PRTFDC1: variants seen among roughly 807,000 people sequenced by gnomAD.
PRTFDC1 encodes phosphoribosyl transferase domain containing 1.
PRTFDC1 carries 38 observed loss-of-function variants against 34.6 expected under a neutral mutation model. The ratio of observed to expected loss-of-function variants is 1.10; its 90% CI spans 0.85 to 1.44. The LOEUF (loss-of-function observed/expected upper bound fraction) is 1.44. Ranked by LOEUF, PRTFDC1 falls within the 40% of genes most tolerant of loss-of-function variation. The pLI, the probability that PRTFDC1 is intolerant of heterozygous loss-of-function variation, is 0.00. For missense variants in PRTFDC1, 270 were observed against 283.0 expected (o/e 0.95, Z 0.33); for synonymous variants, 93 against 98.1 (o/e 0.95, Z 0.31).
intron 4 of PRTFDC1, 32 bp downstream of exon 4, chr10:24,871,966 A>C (rs1275350416): frequency 6.4e-7 from 1 of 1,573,988 alleles, no homozygotes; most frequent in Non-Finnish European, 8.7e-7. Context: ...CCCAGACCTC[A>C]ATGCGGTCTG....
rs546968105 is a variant in PRTFDC1, at chr10:24,934,586, T to C, written c.339+2598A>G. On this transcript the variant is annotated intron_variant, in intron 3 of 8. Transcript: ENST00000320152. ...TGGCTTCCTCCACAACTCCTTATCA[T>C]AACCCAGACATTCCTTTCTATTGAT... is the stretch of plus-strand genomic sequence containing the variant. Among the ~76,000 whole-genome samples the C allele has an allele frequency of 1.6e-4, 25 of 152,338 alleles. No homozygotes were observed. The South Asian group carries it at 5.2e-3, about 32-fold the overall frequency.
rs1847445008 is a variant in PRTFDC1, at chr10:24,849,485, G to T, written c.*359C>A. ...CCAAAATAAGAGTATAAAAAGTTAAGTGAAAAATATTTGAGTAACTAGGTG... is the reference window on the plus strand; with the variant it reads ...CCAAAATAAGAGTATAAAAAGTTAATTGAAAAATATTTGAGTAACTAGGTG... On this transcript the variant is annotated 3_prime_UTR_variant, in exon 9 of 9. Transcript: ENST00000320152. 5.5e-6 allele frequency: 1 copy of T among 181,346 alleles called. No individual in the cohort carries two copies. The highest frequency in any genetic ancestry group is 1.9e-4 in the South Asian group (1 of 5,356). The allele number at this position is 181,346 out of a possible 1,614,324, so 11.2% of individuals were successfully genotyped here. A position where few individuals can be genotyped will look rare whatever the true frequency, so the allele number is the denominator to read the frequency against.
chr10:24,858,508 T>TA (rs1847620685), intron 4 of PRTFDC1, 99 bp from the exon 5 acceptor site: 8 of 1,231,464 alleles, frequency 6.5e-6, no homozygotes, highest in Non-Finnish European at 9.5e-6. Flanking sequence ...CACAATTTAC[T>TA]TAGACGGTCC....
intron 3 of PRTFDC1, among the ~76,000 whole-genome samples, chr10:24,890,879 A>G (rs988559726): frequency 6.6e-6 from 1 of 151,938 alleles, no homozygotes; most frequent in Non-Finnish European, 1.5e-5. Flanking sequence ...AGGCTTCACT[A>G]AGGATCCTAG....
intron 2 of PRTFDC1, 87 bp from the exon 3 acceptor site, chr10:24,937,454 A>G: frequency 8.3e-7 from 1 of 1,204,810 alleles, no homozygotes; most frequent in Non-Finnish European, 1.1e-6. Flanking sequence ...TATTGTACGT[A>G]TTCGATTACT....
intron 3 of PRTFDC1, chr10:24,908,309 C>A: frequency 1.4e-6 from 1 of 711,452 alleles, no homozygotes; most frequent in Non-Finnish European, 2.2e-6. Flanking sequence ...CATTGTATTT[C>A]AAGGCAATAT....
chr10:24,882,357 AT>A (rs966353131), intron 3 of PRTFDC1, among the ~76,000 whole-genome samples: 2 of 152,050 alleles, frequency 1.3e-5, no homozygotes, highest in Non-Finnish European at 2.9e-5. Flanking sequence ...TCCAACTGAA[AT>A]TTTCTGTGAA....
At chr10:24,870,371 G>A (rs972789139) in intron 4 of PRTFDC1, among the ~76,000 whole-genome samples, 2 of 152,184 alleles carry the variant, frequency 1.3e-5, no homozygotes, top group African/African-American at 2.4e-5. Context: ...GCCTCTGAAA[G>A]TGCTGGGATT....
chr10:24,854,583 G>A (rs1295172916), intron 7 of PRTFDC1, among the ~76,000 whole-genome samples: 3 of 152,078 alleles, frequency 2.0e-5, no homozygotes, highest in South Asian at 2.1e-4. Context: ...AAAAAAAATC[G>A]CCTCTAGTGT....
chr10:24,857,969 A>C (rs1847613287), intron 5 of PRTFDC1, among the ~76,000 whole-genome samples: 1 of 152,198 alleles, frequency 6.6e-6, no homozygotes, highest in African/African-American at 2.4e-5. Context: ...TGTGTTTATG[A>C]TTTTGATGCT....
At chr10:24,932,268 A>G (rs1205078822) in intron 3 of PRTFDC1, among the ~76,000 whole-genome samples, 3 of 151,882 alleles carry the variant, frequency 2.0e-5, no homozygotes, top group African/African-American at 4.8e-5. Context: ...TTCTCCCACC[A>G]TTCATATTCA....
rs756124651 is a variant in PRTFDC1 at position 24,849,025 on chromosome 10, C to G, written c.*819G>C. 6.6e-6 allele frequency: 1 copy of G among 152,120 alleles called. No individual in the cohort carries two copies. The highest frequency in any genetic ancestry group is 1.5e-5 in the Non-Finnish European group (1 of 68,016). 9.4% of individuals were successfully genotyped at this position (152,120 alleles called of 1,614,324 possible). Reference sequence around the variant, plus strand: ...GGAAAAATTTATACTTGCTTAGTTTCGAGCATTGAAAGCACTCGCCCCTAA... The same window carrying G: ...GGAAAAATTTATACTTGCTTAGTTTGGAGCATTGAAAGCACTCGCCCCTAA... On this transcript the variant is annotated 3_prime_UTR_variant, in exon 9 of 9. Coordinates refer to ENST00000320152, the MANE Select transcript of PRTFDC1 (RefSeq NM_020200.7).
At chr10:24,905,936 C>T (rs1336910733) in intron 3 of PRTFDC1, among the ~76,000 whole-genome samples, 2 of 152,248 alleles carry the variant, frequency 1.3e-5, no homozygotes, top group Admixed American at 6.5e-5. Context: ...CATCCTTCTA[C>T]TCTCTATCTC....
intron 3 of PRTFDC1, among the ~76,000 whole-genome samples, chr10:24,879,895 G>T (rs1406895282): frequency 6.6e-6 from 1 of 152,050 alleles, no homozygotes; most frequent in Non-Finnish European, 1.5e-5. Flanking sequence ...GATTGTTTTT[G>T]TGGAGAAACT....
rs150545196 is a variant in PRTFDC1, at chr10:24,931,542, AAGAG to A, written c.339+5638_339+5641del. 9.8e-3 allele frequency among the ~76,000 whole-genome samples: 1,485 copies of A among 152,138 alleles called. 30 individuals carry two copies. The highest frequency in any genetic ancestry group is 0.034 in the African/African-American group (1,427 of 41,564). On this transcript the variant is annotated intron_variant, in intron 3 of 8. Coordinates refer to ENST00000320152, the MANE Select transcript of PRTFDC1 (RefSeq NM_020200.7). The stretch of plus-strand genomic sequence containing the variant: ...TACAATTTAATACTATCAGGACTGA[AAGAG>A]AGAATATCACTACAGAGATTAAAGA...
intron 4 of PRTFDC1, among the ~76,000 whole-genome samples, chr10:24,866,322 C>T (rs1487444873): frequency 6.9e-6 from 1 of 145,670 alleles, no homozygotes; most frequent in African/African-American, 2.6e-5. Flanking sequence ...GATCGTACCA[C>T]TGCACTCCAG....
chr10:24,929,957 G>A (rs1477942315), intron 3 of PRTFDC1, among the ~76,000 whole-genome samples: 2 of 152,096 alleles, frequency 1.3e-5, no homozygotes, highest in African/African-American at 4.8e-5. Context: ...GGAAGTTGAG[G>A]CAGGAGGATC....
intron 3 of PRTFDC1, among the ~76,000 whole-genome samples, chr10:24,890,123 C>CAATT (rs1848235602): frequency 6.6e-5 from 10 of 152,212 alleles, no homozygotes; most frequent in African/African-American, 2.4e-4. Context: ...TGAGACTCTG[C>CAATT]TGTACCAATT....
chr10:24,872,806 ATTT>A (rs66588467), intron 3 of PRTFDC1, among the ~76,000 whole-genome samples: 3,254 of 117,316 alleles, frequency 0.028, 131 homozygotes, highest in African/African-American at 0.11. Context: ...ATATATATAT[ATTT>A]TTTTTTTTTT....
Sources: gnomAD v4.1 joint callset for allele counts (sites outside exome capture counted in the v4.1 genomes callset) on GRCh38, gnomAD v4.1.1 for gene constraint, MANE v1.5 for transcripts, NCBI Gene and HGNC (gene_info 2026-07-23, HGNC 2026-07-21) for gene names.